Variants in AGBL1 observed in about 807,000 individuals in gnomAD.
The protein encoded by AGBL1 is cytosolic carboxypeptidase 4.
AGBL1 carries 130 observed loss-of-function variants against 118.9 expected under a neutral mutation model. That is an observed-to-expected ratio of 1.09 (90% confidence interval 0.95 to 1.26). The LOEUF is 1.26. Among genes scored for constraint, AGBL1 ranks in the 50% most tolerant of loss-of-function variants. AGBL1 has a pLI of 0.00. For missense variants in AGBL1, 1,584 were observed against 1,298.1 expected, an observed-to-expected ratio of 1.22 and a Z score of -3.38; for synonymous variants, 555 against 478.9, an observed-to-expected ratio of 1.16 and a Z score of -2.08.
intron 22 of AGBL1, among the ~76,000 whole-genome samples, chr15:86,753,850 A>G (rs1012507629): frequency 2.0e-5 from 3 of 152,112 alleles, no homozygotes; most frequent in African/African-American, 7.2e-5. Context: ...CCTTGCTTAG[A>G]TGCAGGTCTC....
At chr15:86,807,006 G>A (rs1340965152) in intron 22 of AGBL1, among the ~76,000 whole-genome samples, 1 of 151,718 alleles carries the variant, frequency 6.6e-6, no homozygotes, top group East Asian at 1.9e-4. Context: ...CTTAAAACTT[G>A]TAACTGCTTT....
chr15:87,013,999 T>C (rs932368159), intron 24 of AGBL1, among the ~76,000 whole-genome samples: 3 of 152,176 alleles, frequency 2.0e-5, no homozygotes, highest in Admixed American at 6.5e-5. Flanking sequence ...GTCCAACTTA[T>C]AGGGTTAATA....
At chr15:86,554,321 C>A (rs757921543) in intron 20 of AGBL1, 40 bp from the exon 21 acceptor site, 20 of 1,479,264 alleles carry the variant, frequency 1.4e-5, no homozygotes, top group Admixed American at 2.3e-5. Context: ...TCCCTAGTCA[C>A]CCACAACTAA....
At chr15:86,756,599 A>C (rs2141263566) in intron 22 of AGBL1, among the ~76,000 whole-genome samples, 1 of 152,182 alleles carries the variant, frequency 6.6e-6, no homozygotes, top group African/African-American at 2.4e-5. Context: ...CTGATTCCTA[A>C]ATGAAGATGA....
At chr15:86,308,188 G>T (rs972813579) in intron 17 of AGBL1, among the ~76,000 whole-genome samples, 1 of 152,002 alleles carries the variant, frequency 6.6e-6, no homozygotes, top group East Asian at 1.9e-4. Flanking sequence ...GCTCTATAAC[G>T]AATTCCTATG....
intron 22 of AGBL1, among the ~76,000 whole-genome samples, chr15:86,681,940 T>C (rs2085965852): frequency 6.6e-6 from 1 of 152,142 alleles, no homozygotes; most frequent in Non-Finnish European, 1.5e-5. Context: ...TCCATAAAGA[T>C]CCCATTACAG....
intron 21 of AGBL1, among the ~76,000 whole-genome samples, chr15:86,612,309 T>A (rs2084668482): frequency 6.6e-6 from 1 of 152,070 alleles, no homozygotes; most frequent in Admixed American, 6.6e-5. Context: ...AAGGATAATT[T>A]TGAGCTAAAG....
At chr15:86,929,503 C>T (rs559178396) in intron 23 of AGBL1, among the ~76,000 whole-genome samples, 2 of 152,300 alleles carry the variant, frequency 1.3e-5, no homozygotes, top group South Asian at 4.1e-4. Context: ...CCACCTTTGC[C>T]TACATGGCCA....
chr15:86,331,223 C>CAA (rs71144041), intron 17 of AGBL1, among the ~76,000 whole-genome samples: 38 of 97,090 alleles, frequency 3.9e-4, no homozygotes, highest in African/African-American at 1.1e-3. Flanking sequence ...GACTCCATCT[C>CAA]AAAAAAAAAA....
intron 16 of AGBL1, among the ~76,000 whole-genome samples, chr15:86,291,078 T>C (rs2079538034): frequency 6.6e-6 from 1 of 152,150 alleles, no homozygotes; most frequent in Admixed American, 6.6e-5. Flanking sequence ...ATTTTCTTAA[T>C]CCAGACTTGG....
chr15:86,376,507 T>C (rs186560121), intron 17 of AGBL1, among the ~76,000 whole-genome samples: 147 of 152,324 alleles, frequency 9.7e-4, no homozygotes, highest in Non-Finnish European at 1.9e-3. Flanking sequence ...TTTCTTCCTG[T>C]GGAATCCTGG....
intron 22 of AGBL1, among the ~76,000 whole-genome samples, chr15:86,769,354 T>G (rs766731122): frequency 1.3e-5 from 2 of 151,954 alleles, no homozygotes; most frequent in Non-Finnish European, 2.9e-5. Context: ...TCTCTATGCT[T>G]TACTATCCTG....
At chr15:86,414,519 A>G (rs74025122) in intron 18 of AGBL1, among the ~76,000 whole-genome samples, 1 of 152,180 alleles carries the variant, frequency 6.6e-6, no homozygotes, top group Middle Eastern at 3.2e-3. Flanking sequence ...GCAGGACGCT[A>G]GCAGATTGGT....
At chr15:86,644,851 C>CAAAAAAAAAAAAAA (rs11434077) in intron 21 of AGBL1, among the ~76,000 whole-genome samples, 12 of 99,508 alleles carry the variant, frequency 1.2e-4, no homozygotes, top group East Asian at 2.8e-4. Flanking sequence ...ACTAAAAATA[C>CAAAAAAAAAAAAAA]AAAAAAAAAA....
chr15:86,161,299 G>C (rs1307982885), intron 5 of AGBL1, among the ~76,000 whole-genome samples: 8 of 152,234 alleles, frequency 5.3e-5, no homozygotes, highest in Non-Finnish European at 1.0e-4. Context: ...CATTGGCATG[G>C]TGTTTATGAG....
chr15:86,715,068 C>G (rs574960437), intron 22 of AGBL1, among the ~76,000 whole-genome samples: 2 of 152,168 alleles, frequency 1.3e-5, no homozygotes, highest in African/African-American at 4.8e-5. Context: ...TTTGCTGGCC[C>G]AGACGTGGGA....
chr15:86,405,608 G>GTGTTAAATGATGCATAGTGCTGGGGCT (rs2081515277), intron 18 of AGBL1, among the ~76,000 whole-genome samples: 1 of 152,130 alleles, frequency 6.6e-6, no homozygotes, highest in Non-Finnish European at 1.5e-5. Context: ...AAATTCCTAA[G>GTGTTAAATGATGCATAGTGCTGGGGCT]GGAACAGTGG....
chr15:86,198,162 C>G (rs2077845692), intron 5 of AGBL1, among the ~76,000 whole-genome samples: 1 of 152,186 alleles, frequency 6.6e-6, no homozygotes, highest in Non-Finnish European at 1.5e-5. Flanking sequence ...TTGGAACATG[C>G]TTGGGACTTG....
chr15:86,880,887 G>A (rs1180319676), intron 22 of AGBL1, among the ~76,000 whole-genome samples: 3 of 152,068 alleles, frequency 2.0e-5, no homozygotes, highest in Non-Finnish European at 2.9e-5. Context: ...TACAGCCTCC[G>A]TGGTTCTTAC....
Sources: allele counts gnomAD v4.1 joint callset (sites outside exome capture counted in the v4.1 genomes callset), GRCh38; gene constraint gnomAD v4.1.1; transcripts MANE v1.5; gene names NCBI Gene and HGNC (gene_info 2026-07-23, HGNC 2026-07-21).